The following KRABD3 variants were observed in gnomAD, a reference collection of about 807,000 sequenced individuals.
The protein encoded by KRABD3 is KRAB domain-containing protein 3.
the KRABD3 span, among the ~76,000 whole-genome samples, chr7:149,727,400 C>T: frequency 1.6e-4 from 25 of 152,332 alleles, no homozygotes; most frequent in Middle Eastern, 6.8e-3. Flanking sequence ...CAACTGACTT[C>T]ATAGGTAATA....
At chr7:149,724,061 G>A in the KRABD3 span, among the ~76,000 whole-genome samples, 2 of 152,216 alleles carry the variant, frequency 1.3e-5, no homozygotes, top group Non-Finnish European at 2.9e-5. Flanking sequence ...AGCTGTGTGG[G>A]AGGGGCTCGG....
chr7:149,725,914 TG>T, the KRABD3 span: 1 of 1,595,742 alleles, frequency 6.3e-7, no homozygotes, highest in Non-Finnish European at 8.5e-7. Context: ...GTTCTGCCTC[TG>T]GGTCTGCAGA....
chr7:149,718,552 C>T, the KRABD3 span, among the ~76,000 whole-genome samples: 2 of 141,338 alleles, frequency 1.4e-5, no homozygotes, highest in Admixed American at 7.3e-5. Flanking sequence ...GGAGTCTCGC[C>T]ATATTGCCCA....
the KRABD3 span, chr7:149,723,869 C>T: frequency 4.3e-6 from 7 of 1,613,630 alleles, no homozygotes; most frequent in Non-Finnish European, 5.9e-6. Context: ...AATCCAGGAG[C>T]CTGGAAAAGG....
At chr7:149,722,617 G>T in the KRABD3 span, 3 of 1,544,776 alleles carry the variant, frequency 1.9e-6, no homozygotes, top group South Asian at 2.3e-5. Context: ...ACACGAGGAG[G>T]TCATGCTGCT....
the KRABD3 span, chr7:149,725,215 C>A: frequency 8.3e-7 from 1 of 1,208,128 alleles, no homozygotes; most frequent in Non-Finnish European, 1.1e-6. Context: ...CAGGACTCGT[C>A]ACCCCTGTAG....
the KRABD3 span, among the ~76,000 whole-genome samples, chr7:149,717,099 A>C: frequency 6.6e-6 from 1 of 152,186 alleles, no homozygotes; most frequent in Admixed American, 6.5e-5. Flanking sequence ...ACATCAGGTC[A>C]GCAGTGGTAC....
At chr7:149,725,577 C>T in the KRABD3 span, 2,697 of 1,330,362 alleles carry the variant, frequency 2.0e-3, 53 homozygotes, top group African/African-American at 0.035. Context: ...TTGTGTTCCC[C>T]GGCCTCCTGA....
At chr7:149,733,837 T>G in the KRABD3 span, 1 of 1,602,926 alleles carries the variant, frequency 6.2e-7, no homozygotes, top group African/African-American at 1.3e-5. Context: ...AGAGCCCCCT[T>G]CCCCCTTTAG....
chr7:149,733,262 C>T, the KRABD3 span: 6 of 1,612,006 alleles, frequency 3.7e-6, no homozygotes, highest in Non-Finnish European at 4.2e-6. Flanking sequence ...CAGTGAGTCT[C>T]CCCCTCCGGA....
At chr7:149,729,910 G>T in the KRABD3 span, 1 of 1,266,272 alleles carries the variant, frequency 7.9e-7, no homozygotes, top group Non-Finnish European at 9.9e-7. Flanking sequence ...CCAAGGACTG[G>T]AGACTTCCAG....
the KRABD3 span, among the ~76,000 whole-genome samples, chr7:149,726,484 C>T: frequency 4.7e-5 from 7 of 150,236 alleles, no homozygotes; most frequent in South Asian, 8.4e-4. Context: ...GTTGCCTAGG[C>T]TGGAGTGCAG....
At chr7:149,733,878 C>T in the KRABD3 span, 2 of 1,591,944 alleles carry the variant, frequency 1.3e-6, no homozygotes, top group Non-Finnish European at 8.5e-7. Context: ...CAGGGAGCCT[C>T]TCCTCCTGCA....
the KRABD3 span, among the ~76,000 whole-genome samples, chr7:149,723,165 G>T: frequency 6.6e-6 from 1 of 152,188 alleles, no homozygotes; most frequent in Non-Finnish European, 1.5e-5. Flanking sequence ...GCTTTGCCCT[G>T]GTTTCTTCAT....
the KRABD3 span, chr7:149,733,553 C>T: frequency 3.8e-6 from 6 of 1,599,978 alleles, no homozygotes; most frequent in African/African-American, 6.7e-5. Context: ...GGCTCATGGC[C>T]CTGGTCACAG....
chr7:149,715,230 T>C, the KRABD3 span: 1 of 1,215,768 alleles, frequency 8.2e-7, no homozygotes, highest in Non-Finnish European at 1.0e-6. Flanking sequence ...TCGGACAACC[T>C]CTCTCCAGCT....
chr7:149,719,961 C>T, the KRABD3 span: 211,335 of 1,517,754 alleles, frequency 0.14, 19,894 homozygotes, highest in African/African-American at 0.47. This position sits in a 1 kb window ranked among gnomAD's most constrained non-coding sequence, Gnocchi z 5.6. Context: ...GTGTGCGAAG[C>T]GGAGACCACT....
At chr7:149,723,090 C>T in the KRABD3 span, 2 of 748,388 alleles carry the variant, frequency 2.7e-6, no homozygotes, top group Non-Finnish European at 4.0e-6. Flanking sequence ...TGTCACCTTT[C>T]TGGAGCCAGG....
At chr7:149,723,986 C>T in the KRABD3 span, 8 of 1,336,558 alleles carry the variant, frequency 6.0e-6, no homozygotes, top group Non-Finnish European at 8.3e-6. Context: ...AACACTCAGG[C>T]CCCCATATTG....
Sources: gnomAD v4.1 joint callset for allele counts (sites outside exome capture counted in the v4.1 genomes callset) on GRCh38, gnomAD v4.1.1 for gene constraint, Gnocchi (gnomAD v3.1) non-coding constraint, MANE v1.5 for transcripts, NCBI Gene and HGNC (gene_info 2026-07-23, HGNC 2026-07-21) for gene names.